LRRC4C: variants seen among roughly 807,000 people sequenced by gnomAD.
LRRC4C encodes leucine rich repeat containing 4C, also known as leucine-rich repeat-containing protein 4C.
LRRC4C carries 5 observed loss-of-function variants against 33.6 expected under a neutral mutation model. The observed-to-expected ratio is 0.15, with a 90% CI of 0.08 to 0.31. LRRC4C has a LOEUF of 0.31. Ranked by LOEUF, LRRC4C falls within the 10% of genes least tolerant of loss-of-function variation. The pLI, the probability that LRRC4C is intolerant of heterozygous loss-of-function variation, is 1.00. For synonymous variants in LRRC4C, 329 were observed against 302.0 expected, an observed-to-expected ratio of 1.09 and a Z score of -0.93; for missense variants, 560 against 796.7, an observed-to-expected ratio of 0.70 and a Z score of 3.58.
chr11:40,484,837 C>T (rs1953773027), intron 3 of LRRC4C, among the ~76,000 whole-genome samples: 1 of 152,022 alleles, frequency 6.6e-6, no homozygotes, highest in African/African-American at 2.4e-5. Context: ...ACTCTGAAGA[C>T]TTACAGTCAA....
chr11:41,295,598 CA>C (rs764024529), intron 1 of LRRC4C, among the ~76,000 whole-genome samples: 98 of 142,308 alleles, frequency 6.9e-4, no homozygotes, highest in African/African-American at 2.3e-3. Flanking sequence ...GGGCAACAAA[CA>C]TTTTTTTTTT....
At chr11:40,540,577 C>A (rs1436829425) in intron 3 of LRRC4C, among the ~76,000 whole-genome samples, 1 of 152,012 alleles carries the variant, frequency 6.6e-6, no homozygotes, top group Non-Finnish European at 1.5e-5. Context: ...CCTCCACCTG[C>A]AGAGTTCTAA....
At chr11:41,185,880 G>GAA (rs944319625) in intron 1 of LRRC4C, among the ~76,000 whole-genome samples, 12 of 150,970 alleles carry the variant, frequency 7.9e-5, no homozygotes, top group Non-Finnish European at 1.2e-4. Flanking sequence ...TTTAAAAAAA[G>GAA]AAAAAAAGAT....
chr11:40,777,601 A>G (rs1950057759), intron 2 of LRRC4C, among the ~76,000 whole-genome samples: 1 of 148,574 alleles, frequency 6.7e-6, no homozygotes, highest in Non-Finnish European at 1.5e-5. Flanking sequence ...AAATCTTTCT[A>G]TAATGCTTTA....
intron 1 of LRRC4C, among the ~76,000 whole-genome samples, chr11:41,182,286 T>C (rs1378625685): frequency 6.6e-6 from 1 of 152,208 alleles, no homozygotes; most frequent in Non-Finnish European, 1.5e-5. Flanking sequence ...CATGTGATTG[T>C]ACATTCCAGT....
chr11:41,143,380 A>G (rs1347749400), intron 1 of LRRC4C, among the ~76,000 whole-genome samples: 2 of 152,172 alleles, frequency 1.3e-5, no homozygotes, highest in Non-Finnish European at 1.5e-5. Flanking sequence ...ACTTTAAATC[A>G]TTTTGGGACT....
At chr11:41,192,932 T>C (rs1292341040) in intron 1 of LRRC4C, among the ~76,000 whole-genome samples, 3 of 152,048 alleles carry the variant, frequency 2.0e-5, no homozygotes, top group Non-Finnish European at 1.5e-5. Flanking sequence ...GAGAAGAATA[T>C]CTGCCTGAAC....
At chr11:40,645,233 T>C (rs771793032) in intron 3 of LRRC4C, among the ~76,000 whole-genome samples, 1 of 152,204 alleles carries the variant, frequency 6.6e-6, no homozygotes, top group Non-Finnish European at 1.5e-5. Context: ...AATTAAGTCA[T>C]ATGCTATGAT....
At chr11:41,208,183 A>G (rs999135207) in intron 1 of LRRC4C, among the ~76,000 whole-genome samples, 8 of 152,150 alleles carry the variant, frequency 5.3e-5, no homozygotes, top group Non-Finnish European at 1.0e-4. Flanking sequence ...GAAGGCAATC[A>G]TGTGATAAAG....
At chr11:41,328,045 T>C (rs1048928731) in intron 1 of LRRC4C, among the ~76,000 whole-genome samples, 1 of 152,182 alleles carries the variant, frequency 6.6e-6, no homozygotes, top group African/African-American at 2.4e-5. Flanking sequence ...TCCTGGCCTC[T>C]CACAGGTAGT....
At chr11:41,420,716 G>T (rs985554289) in intron 1 of LRRC4C, among the ~76,000 whole-genome samples, 7 of 151,922 alleles carry the variant, frequency 4.6e-5, no homozygotes, top group Middle Eastern at 3.2e-3. Flanking sequence ...CTAATTACAA[G>T]CTGGTTACTT....
intron 3 of LRRC4C, among the ~76,000 whole-genome samples, chr11:40,530,262 T>G (rs1370927023): frequency 6.6e-6 from 1 of 152,112 alleles, no homozygotes; most frequent in Admixed American, 6.6e-5. Context: ...AAGCAGGATG[T>G]TTAATCATTC....
intron 6 of LRRC4C, among the ~76,000 whole-genome samples, chr11:40,122,384 C>G (rs1855890220): frequency 6.6e-6 from 1 of 152,092 alleles, no homozygotes; most frequent in Non-Finnish European, 1.5e-5. Flanking sequence ...CATGCATTAG[C>G]TATTTCTTTC....
chr11:40,579,881 C>G (rs1958390355), intron 3 of LRRC4C, among the ~76,000 whole-genome samples: 1 of 152,190 alleles, frequency 6.6e-6, no homozygotes, highest in Non-Finnish European at 1.5e-5. Flanking sequence ...ATCCCCATCT[C>G]CTGGAGAACC....
intron 3 of LRRC4C, among the ~76,000 whole-genome samples, chr11:40,625,163 C>T (rs1463010354): frequency 6.6e-6 from 1 of 152,070 alleles, no homozygotes; most frequent in African/African-American, 2.4e-5. Flanking sequence ...AAGATTTTAA[C>T]CAACATATGT....
intron 1 of LRRC4C, among the ~76,000 whole-genome samples, chr11:41,002,919 T>A (rs1257813575): frequency 6.6e-6 from 1 of 152,310 alleles, no homozygotes; most frequent in East Asian, 1.9e-4. Flanking sequence ...TTTAAAATAT[T>A]CATTTGAAAT....
chr11:41,459,262 C>A (rs577247607), intron 1 of LRRC4C, among the ~76,000 whole-genome samples, 169 bp downstream of exon 1: 40 of 152,164 alleles, frequency 2.6e-4, no homozygotes, highest in South Asian at 1.7e-3. Flanking sequence ...ATGGAAATAA[C>A]CTCCTTGGCA....
intron 1 of LRRC4C, among the ~76,000 whole-genome samples, chr11:41,099,764 C>G (rs1370370043): frequency 6.6e-6 from 1 of 152,100 alleles, no homozygotes; most frequent in Non-Finnish European, 1.5e-5. Flanking sequence ...AGGAGCAGTT[C>G]TCTTGAATCA....
chr11:40,187,894 T>A (rs1425752398), intron 5 of LRRC4C, among the ~76,000 whole-genome samples: 1 of 151,886 alleles, frequency 6.6e-6, no homozygotes, highest in Non-Finnish European at 1.5e-5. Context: ...GAGAAAGGTG[T>A]GTGGGGGTCG....
Sources: allele counts gnomAD v4.1 joint callset (sites outside exome capture counted in the v4.1 genomes callset), GRCh38; gene constraint gnomAD v4.1.1; transcripts MANE v1.5; gene names NCBI Gene and HGNC (gene_info 2026-07-23, HGNC 2026-07-21).